LINGO2: variants seen among roughly 807,000 people sequenced by gnomAD.
LINGO2 encodes the protein leucine-rich repeat and immunoglobulin-like domain-containing nogo receptor-interacting protein 2.
In LINGO2, 14 loss-of-function variants were observed where a neutral mutation model predicts 30.6. That is an observed-to-expected ratio of 0.46 (90% CI 0.30 to 0.72). The LOEUF is 0.72. Ranked by LOEUF, LINGO2 falls within the 30% of genes least tolerant of loss-of-function variation. The pLI is 0.07. For synonymous variants in LINGO2, 317 were observed against 288.5 expected (o/e 1.10, Z -1.00); for missense variants, 729 against 751.7 (o/e 0.97, Z 0.35).
chr9:28,724,415 C>T, the LINGO2 span, among the ~76,000 whole-genome samples: 1 of 152,118 alleles, frequency 6.6e-6, no homozygotes, highest in East Asian at 1.9e-4. Context: ...GTCACTCATT[C>T]AGCAACCTGC....
At chr9:28,035,326 A>C (rs2132932312) in intron 4 of LINGO2, among the ~76,000 whole-genome samples, 1 of 152,352 alleles carries the variant, frequency 6.6e-6, no homozygotes, top group Non-Finnish European at 1.5e-5. Context: ...CATTACTTTG[A>C]ATTCAGAACC....
At chr9:28,345,609 T>A (rs563052461) in intron 3 of LINGO2, among the ~76,000 whole-genome samples, 1 of 152,300 alleles carries the variant, frequency 6.6e-6, no homozygotes, top group East Asian at 1.9e-4. Flanking sequence ...ACATGGGCCT[T>A]TTGAAGGATG....
At chr9:28,069,422 G>A (rs1446496959) in intron 4 of LINGO2, among the ~76,000 whole-genome samples, 1 of 152,138 alleles carries the variant, frequency 6.6e-6, no homozygotes, top group African/African-American at 2.4e-5. Context: ...GCTATTATGG[G>A]AAGAGCAGGT....
At chr9:28,044,921 G>T (rs1824348664) in intron 4 of LINGO2, among the ~76,000 whole-genome samples, 1 of 152,036 alleles carries the variant, frequency 6.6e-6, no homozygotes, top group Non-Finnish European at 1.5e-5. Context: ...TAATATAGGA[G>T]CGATGGTGTA....
intron 4 of LINGO2, among the ~76,000 whole-genome samples, chr9:28,210,616 G>A (rs909177652): frequency 6.6e-6 from 1 of 151,530 alleles, no homozygotes; most frequent in Non-Finnish European, 1.5e-5. Context: ...TGTACTTAAT[G>A]TGACAGAATT....
At chr9:28,042,452 G>A (rs1245574173) in intron 4 of LINGO2, among the ~76,000 whole-genome samples, 1 of 152,286 alleles carries the variant, frequency 6.6e-6, no homozygotes, top group Non-Finnish European at 1.5e-5. Context: ...CTATGTCTTT[G>A]ACTGTCATAT....
At chr9:29,119,577 CTTTTTTTTTTT>C in the LINGO2 span, among the ~76,000 whole-genome samples, 8 of 82,516 alleles carry the variant, frequency 9.7e-5, no homozygotes, top group African/African-American at 2.4e-4. Context: ...CAGTTGTCAT[CTTTTTTTTTTT>C]TTTTTTTTTT....
At chr9:29,004,445 C>A in the LINGO2 span, among the ~76,000 whole-genome samples, 1 of 151,842 alleles carries the variant, frequency 6.6e-6, no homozygotes, top group Non-Finnish European at 1.5e-5. Context: ...AGAAATGCCA[C>A]AAGTGAAAGG....
the LINGO2 span, among the ~76,000 whole-genome samples, chr9:29,187,036 G>C: frequency 6.6e-6 from 1 of 152,108 alleles, no homozygotes; most frequent in South Asian, 2.1e-4. Flanking sequence ...TCTCCCCAGA[G>C]TTTCAAATGA....
chr9:28,777,350 G>C, the LINGO2 span, among the ~76,000 whole-genome samples: 1 of 152,230 alleles, frequency 6.6e-6, no homozygotes, highest in Non-Finnish European at 1.5e-5. Flanking sequence ...TAAAACTGAA[G>C]AAAAGTAGGC....
chr9:28,557,141 C>G (rs1409952871), intron 1 of LINGO2, among the ~76,000 whole-genome samples: 1 of 152,102 alleles, frequency 6.6e-6, no homozygotes, highest in African/African-American at 2.4e-5. Context: ...ACAAAATTGA[C>G]AAATGGGATC....
intron 4 of LINGO2, among the ~76,000 whole-genome samples, chr9:28,167,282 A>G (rs949719507): frequency 7.2e-6 from 1 of 137,966 alleles, no homozygotes; most frequent in Non-Finnish European, 1.5e-5. Context: ...CATGATCAGT[A>G]AAGTGCCTTG....
chr9:27,980,048 T>C (rs1820782037), intron 5 of LINGO2, among the ~76,000 whole-genome samples: 1 of 151,912 alleles, frequency 6.6e-6, no homozygotes, highest in South Asian at 2.1e-4. Flanking sequence ...GCATAGTAAC[T>C]ATTTCCAACA....
intron 3 of LINGO2, among the ~76,000 whole-genome samples, chr9:28,371,942 G>A (rs1340607798): frequency 6.6e-6 from 1 of 152,128 alleles, no homozygotes; most frequent in Non-Finnish European, 1.5e-5. Flanking sequence ...AGAAAGTGCT[G>A]GAGCAAGGGG....
chr9:28,606,277 T>C (rs1479610256), intron 1 of LINGO2, among the ~76,000 whole-genome samples: 2 of 151,950 alleles, frequency 1.3e-5, no homozygotes, highest in Non-Finnish European at 2.9e-5. Flanking sequence ...ACAGCTACTA[T>C]AATACTTTTA....
chr9:28,636,118 T>A (rs1827257037), intron 1 of LINGO2, among the ~76,000 whole-genome samples: 1 of 152,148 alleles, frequency 6.6e-6, no homozygotes, highest in African/African-American at 2.4e-5. Flanking sequence ...AATGATGATT[T>A]CCAGCTTCAT....
chr9:29,071,482 C>CATATATATATATATAT, the LINGO2 span, among the ~76,000 whole-genome samples: 1 of 120,880 alleles, frequency 8.3e-6, no homozygotes, highest in Non-Finnish European at 1.6e-5. Context: ...ATTAACTGGT[C>CATATATATATATATAT]ATATATATAT....
chr9:29,017,678 T>C, the LINGO2 span, among the ~76,000 whole-genome samples: 108 of 152,006 alleles, frequency 7.1e-4, no homozygotes, highest in Non-Finnish European at 1.3e-3. Flanking sequence ...AACTGGGCAA[T>C]AGCCTATCTG....
chr9:29,194,716 T>C, the LINGO2 span, among the ~76,000 whole-genome samples: 1 of 152,178 alleles, frequency 6.6e-6, no homozygotes, highest in African/African-American at 2.4e-5. Context: ...TGGATGTACA[T>C]TTACCCTTTG....
Sources: allele counts gnomAD v4.1 joint callset (sites outside exome capture counted in the v4.1 genomes callset), GRCh38; gene constraint gnomAD v4.1.1; transcripts MANE v1.5; gene names NCBI Gene and HGNC (gene_info 2026-07-23, HGNC 2026-07-21).